BANK1: variants seen among roughly 807,000 people sequenced by gnomAD.
The protein encoded by BANK1 is B cell scaffold protein with ankyrin repeats 1.
A neutral mutation model predicts 94.5 loss-of-function variants in BANK1; 95 were observed. The observed-to-expected ratio is 1.00, with a 90% CI of 0.85 to 1.19. BANK1 has a LOEUF of 1.19. Ranked by LOEUF, BANK1 falls within the 50% of genes most tolerant of loss-of-function variation. BANK1 has a pLI of 0.00. For synonymous variants in BANK1, 334 were observed against 308.4 expected (o/e 1.08, Z -0.87); for missense variants, 987 against 932.2 (o/e 1.06, Z -0.77).
chr4:102,043,813 A>G, intron 10 of BANK1, 26 bp from the exon 11 acceptor site: 1 of 1,503,362 alleles, frequency 6.7e-7, no homozygotes, highest in Non-Finnish European at 9.2e-7. Flanking sequence ...ATGTTCAGTA[A>G]ATAATATGTT....
At chr4:102,063,221 G>T in intron 13 of BANK1, 83 bp downstream of exon 13, 1 of 1,256,056 alleles carries the variant, frequency 8.0e-7, no homozygotes, top group Non-Finnish European at 1.1e-6. Context: ...TTGGGCCTGA[G>T]TTCAAATCTA....
At chr4:101,992,488 T>A (rs1725741549) in intron 7 of BANK1, among the ~76,000 whole-genome samples, 1 of 152,190 alleles carries the variant, frequency 6.6e-6, no homozygotes, top group African/African-American at 2.4e-5. Flanking sequence ...CTTACCAGTC[T>A]TTTTATACAG....
intron 7 of BANK1, among the ~76,000 whole-genome samples, chr4:101,967,292 A>G (rs1022470785): frequency 3.3e-5 from 5 of 152,058 alleles, no homozygotes; most frequent in African/African-American, 1.2e-4. Context: ...GAACTGAGAC[A>G]TAGACAGTCC....
intron 10 of BANK1, among the ~76,000 whole-genome samples, chr4:102,038,584 T>C (rs1727600045): frequency 6.6e-6 from 1 of 152,166 alleles, no homozygotes; most frequent in African/African-American, 2.4e-5. Flanking sequence ...GGAGGAAGAC[T>C]GCTCACCCAG....
intron 7 of BANK1, among the ~76,000 whole-genome samples, chr4:102,015,353 G>T (rs1043286600): frequency 6.6e-6 from 1 of 151,790 alleles, no homozygotes; most frequent in South Asian, 2.1e-4. Context: ...TAGTTTACTT[G>T]GTCATCATAC....
At chr4:101,864,883 C>G (rs886817386) in intron 4 of BANK1, among the ~76,000 whole-genome samples, 9 of 152,124 alleles carry the variant, frequency 5.9e-5, no homozygotes, top group African/African-American at 2.2e-4. Context: ...ATTCTTTCCT[C>G]CCAGGTATGG....
At chr4:101,869,188 TAAAC>T (rs1578368054) in intron 4 of BANK1, among the ~76,000 whole-genome samples, 2 of 151,962 alleles carry the variant, frequency 1.3e-5, no homozygotes, top group Admixed American at 1.3e-4. Context: ...TCTTTTGTGA[TAAAC>T]AAAATTAATA....
chr4:101,995,916 G>GT (rs1046524147), intron 7 of BANK1, among the ~76,000 whole-genome samples: 10 of 152,198 alleles, frequency 6.6e-5, no homozygotes, highest in African/African-American at 1.2e-4. Context: ...TCTGATGATA[G>GT]TTTTTTTGCT....
intron 7 of BANK1, among the ~76,000 whole-genome samples, chr4:101,955,656 T>C (rs1329431460): frequency 1.3e-5 from 2 of 152,218 alleles, no homozygotes; most frequent in African/African-American, 2.4e-5. Flanking sequence ...TCTTTAATGA[T>C]TGTTTCCTTG....
chr4:101,880,341 C>A (rs1046124019), intron 5 of BANK1, among the ~76,000 whole-genome samples: 2 of 151,562 alleles, frequency 1.3e-5, no homozygotes, highest in Non-Finnish European at 1.5e-5. Context: ...TTTACTGTAG[C>A]CACAAATAAA....
intron 7 of BANK1, among the ~76,000 whole-genome samples, chr4:101,948,880 G>C (rs927906878): frequency 6.6e-6 from 1 of 152,032 alleles, no homozygotes; most frequent in African/African-American, 2.4e-5. Context: ...AGTAATATTT[G>C]CCTTGCCTTT....
chr4:101,865,215 G>A (rs1039747219), intron 4 of BANK1, among the ~76,000 whole-genome samples: 5 of 152,112 alleles, frequency 3.3e-5, no homozygotes, highest in Admixed American at 6.5e-5. Flanking sequence ...TGGAGAAAAC[G>A]ATGAACTAAG....
Position 101,995,597 on chromosome 4 carries a change from T to A in BANK1, c.1207-25917T>A, listed in dbSNP as rs543726100. On this transcript the variant is annotated intron_variant, in intron 7 of 16. Transcript: ENST00000322953. ...AGTGTTCCTATTTCTCCACATCCTC[T>A]CCAGCATCGTTGTTTCCTGACTTTT... is the stretch of plus-strand genomic sequence containing the variant. Among the ~76,000 whole-genome samples the A allele has an allele frequency of 8.1e-4, 124 of 152,286 alleles. 1 individual carries two copies. The highest frequency in any genetic ancestry group is 2.8e-3 in the African/African-American group (117 of 41,554).
chr4:101,848,027 A>G (rs1400165828), intron 2 of BANK1, among the ~76,000 whole-genome samples: 1 of 152,136 alleles, frequency 6.6e-6, no homozygotes, highest in Non-Finnish European at 1.5e-5. Flanking sequence ...GTGAGCTCCC[A>G]GGGCCTTTCT....
intron 7 of BANK1, among the ~76,000 whole-genome samples, chr4:101,968,124 C>A (rs549683063): frequency 2.0e-5 from 3 of 152,056 alleles, no homozygotes; most frequent in Non-Finnish European, 4.4e-5. Context: ...AATGCCCACA[C>A]AGGAGGCTAC....
chr4:101,940,205 A>C (rs529854248), intron 7 of BANK1, among the ~76,000 whole-genome samples: 1 of 151,770 alleles, frequency 6.6e-6, no homozygotes, highest in East Asian at 2.0e-4. Context: ...TTTGTATATT[A>C]AATATTGCAA....
intron 2 of BANK1, among the ~76,000 whole-genome samples, chr4:101,836,163 C>G (rs1031951977): frequency 1.3e-5 from 2 of 152,068 alleles, no homozygotes; most frequent in Non-Finnish European, 2.9e-5. Flanking sequence ...CTCCTTATTG[C>G]TGTTTTACAA....
At chr4:102,065,695 A>C (rs950295071) in intron 13 of BANK1, among the ~76,000 whole-genome samples, 7 of 152,148 alleles carry the variant, frequency 4.6e-5, no homozygotes, top group African/African-American at 1.7e-4. Context: ...ATAAATAGGG[A>C]ATCTCAGCAG....
intron 7 of BANK1, among the ~76,000 whole-genome samples, chr4:102,005,467 A>T (rs1309721783): frequency 6.6e-6 from 1 of 152,080 alleles, no homozygotes; most frequent in Admixed American, 6.6e-5. Flanking sequence ...GAAAAGAGAG[A>T]TGTAAACCTT....
Sources: allele counts gnomAD v4.1 joint callset (sites outside exome capture counted in the v4.1 genomes callset), GRCh38; gene constraint gnomAD v4.1.1; transcripts MANE v1.5; gene names NCBI Gene and HGNC (gene_info 2026-07-23, HGNC 2026-07-21).